Variants in FBL observed in about 807,000 individuals in gnomAD.
FBL encodes rRNA 2'-O-methyltransferase fibrillarin.
FBL carries 10 observed loss-of-function variants against 42.2 expected under a neutral mutation model. The observed-to-expected ratio is 0.24, with a 90% CI of 0.15 to 0.40. FBL has a LOEUF of 0.40. FBL is among the 10% of genes least tolerant of loss of function. The pLI is 1.00. For missense variants in FBL, 351 were observed against 439.2 expected, an observed-to-expected ratio of 0.80 and a Z score of 1.79; for synonymous variants, 165 against 165.4, an observed-to-expected ratio of 1.00 and a Z score of 0.02.
Position 39,840,261 on chromosome 19 carries a change from A to G in FBL, c.350T>C (p.Val117Ala). 6.2e-7 allele frequency: 1 copy of G among 1,613,846 alleles called. No homozygotes were observed. The highest frequency in any genetic ancestry group is 1.1e-5 in the South Asian group (1 of 91,050). ...AATCGAGACTCTCTTCTCTCCATAA[A>G]CTGATTCCCCAGGGACCAGGTTCTT... Reference protein sequence around the residue: ...VTKNLVPGESVYGEKRVSISE... With the variant: ...VTKNLVPGESAYGEKRVSISE... Residue 117 changes from valine to alanine, a missense_variant, in exon 4 of 9, where the codon GTT (valine) becomes GCT (alanine). Transcript: ENST00000221801. The surrounding 1 kb of genome is among the most constrained non-coding windows in gnomAD (Gnocchi z 4.5).
At chr19:39,845,629 A>C (rs73042740) in intron 1 of FBL, among the ~76,000 whole-genome samples, 1,855 of 152,308 alleles carry the variant, frequency 0.012, 19 homozygotes, top group Non-Finnish European at 0.02. Flanking sequence ...CCACCACCCC[A>C]GACTAATGCC....
At chr19:39,846,232 G>A (rs1969259400) in intron 1 of FBL, 59 bp downstream of exon 1, 2 of 1,607,154 alleles carry the variant, frequency 1.2e-6, no homozygotes, top group African/African-American at 1.3e-5. Flanking sequence ...ATTCTGGCCT[G>A]GCACCCGGAT....
rs774318356 is a variant in FBL, at chr19:39,836,583, A to G, written c.768T>C (p.Asn256=). The change falls in exon 7 of 9, where the codon AAT becomes AAC. Residue 256 remains asparagine, a synonymous_variant. Coordinates refer to ENST00000221801, the MANE Select transcript of FBL (RefSeq NM_001436.4). ...VALNAHTFLR[N]GGHFVISIKA... is the part of the protein sequence containing the mutation. ...TAATGGAAATCACAAAGTGTCCTCC[A>G]TTACGCAGGAAGGTGTGGGCATTCA... 1.4e-5 allele frequency: 22 copies of G among 1,613,722 alleles called. No homozygotes were observed. In the Middle Eastern group the frequency reaches 1.3e-3, roughly 96 times the overall value.
At chr19:39,845,841 G>C (rs1969253228) in intron 1 of FBL, among the ~76,000 whole-genome samples, 2 of 152,222 alleles carry the variant, frequency 1.3e-5, no homozygotes, top group African/African-American at 4.8e-5. Flanking sequence ...GGTGGTGGCA[G>C]CGACAGGGAA....
chr19:39,842,568 C>T (rs1174382224), intron 1 of FBL, among the ~76,000 whole-genome samples: 1 of 152,152 alleles, frequency 6.6e-6, no homozygotes, highest in African/African-American at 2.4e-5. Flanking sequence ...TAATCTTCTA[C>T]TCCCTCTACA....
intron 6 of FBL, among the ~76,000 whole-genome samples, chr19:39,837,141 A>C (rs1224432029): frequency 1.3e-5 from 2 of 152,226 alleles, no homozygotes; most frequent in Admixed American, 6.5e-5. Flanking sequence ...CAGAATGAAA[A>C]ATAATGTTTT....
Position 39,840,536 on chromosome 19 carries a change from A to G in FBL, c.182-21T>C, listed in dbSNP as rs201316980. 50 of 1,613,886 alleles carry G rather than the reference A, an allele frequency of 3.1e-5. No individual in the cohort carries two copies. In the African/African-American group the frequency reaches 4.8e-4, roughly 15 times the overall value. On this transcript the variant is annotated intron_variant, in intron 2 of 8. Coordinates refer to ENST00000221801, the MANE Select transcript of FBL (RefSeq NM_001436.4). The surrounding 1 kb of genome is among the most constrained non-coding windows in gnomAD (Gnocchi z 4.5). ...TCCACCTATAAAGGAGAGGTACAACAGGAGAGAAAGATCCTGAATCTCCGC... is the reference window on the plus strand; with the variant it reads ...TCCACCTATAAAGGAGAGGTACAACGGGAGAGAAAGATCCTGAATCTCCGC...
rs1313711539 is a variant in FBL at position 39,840,189 on chromosome 19, C to A, written c.378+44G>T. ...GCAGACACAGACTACTGGCTACACC[C>A]TCAGCTGCGACCCTGGTGGCTTGGA... is the stretch of plus-strand genomic sequence containing the variant. On this transcript the variant is annotated intron_variant, in intron 4 of 8. Coordinates refer to ENST00000221801, the MANE Select transcript of FBL (RefSeq NM_001436.4). The surrounding 1 kb of genome is among the most constrained non-coding windows in gnomAD (Gnocchi z 4.5). The A allele has an allele frequency of 1.4e-6, 2 of 1,403,962 alleles. No individual in the cohort carries two copies. The highest frequency in any genetic ancestry group is 1.2e-5 in the South Asian group (1 of 86,688). The allele number at this position is 1,403,962 out of a possible 1,614,324, so 87.0% of individuals were successfully genotyped here. A position where few individuals can be genotyped will look rare whatever the true frequency, so the allele number is the denominator to read the frequency against.
intron 5 of FBL, chr19:39,838,709 C>T: frequency 4.6e-6 from 1 of 219,376 alleles, no homozygotes; most frequent in Non-Finnish European, 9.0e-6. Flanking sequence ...CTGGTTCTTT[C>T]TAAAGAAACC....
chr19:39,837,476 T>C (rs1009204525), intron 6 of FBL, among the ~76,000 whole-genome samples: 18 of 152,104 alleles, frequency 1.2e-4, no homozygotes, highest in African/African-American at 4.3e-4. Context: ...ACCTAGGAGA[T>C]GGGGAGGAGA....
In FBL at chr19:39,836,622, G is replaced by A; in HGVS notation, c.729C>T (p.Thr243=). 2 of 1,614,092 alleles carry A rather than the reference G, an allele frequency of 1.2e-6. No individual in the cohort carries two copies. The highest frequency in any genetic ancestry group is 1.7e-6 in the Non-Finnish European group (2 of 1,179,992). Residue 243 remains threonine (T), a synonymous_variant, in exon 7 of 9, where the codon ACC becomes ACT. Transcript: ENST00000221801. ...IFADVAQPDQ[T]RIVALNAHTF... ...TGTGGGCATTCAGGGCCACAATCCG[G>A]GTCTGGTCTGGCTGGGCCACATCAG...
intron 1 of FBL, among the ~76,000 whole-genome samples, chr19:39,844,768 A>G (rs370631152): frequency 6.6e-6 from 1 of 152,196 alleles, no homozygotes; most frequent in Non-Finnish European, 1.5e-5. Context: ...TCTTTCACAC[A>G]TCGAAGCAAA....
At chr19:39,835,094 C>T (rs1158629737) in intron 7 of FBL, among the ~76,000 whole-genome samples, 1 of 152,130 alleles carries the variant, frequency 6.6e-6, no homozygotes, top group Non-Finnish European at 1.5e-5. Flanking sequence ...ATGATTATGC[C>T]CCCTTTCTAT....
At chr19:39,838,440 T>C (rs1969095111) in intron 5 of FBL, 1 of 153,372 alleles carries the variant, frequency 6.5e-6, no homozygotes. Context: ...TTTGTATTTT[T>C]AGTAGAGATG....
Position 39,840,839 on chromosome 19 carries a change from CCACCTTGTACCCAGCAA to C in FBL, c.11-69_11-53del. The C allele has an allele frequency of 1.4e-6, 2 of 1,452,582 alleles. No individual in the cohort carries two copies. Among genetic ancestry groups the C allele is most frequent in the African/African-American group, 2.9e-5 (2 of 70,030 alleles). 90.0% of individuals were successfully genotyped at this position (1,452,582 alleles called of 1,614,324 possible). A position where few individuals can be genotyped will look rare whatever the true frequency, so the allele number is the denominator to read the frequency against. On this transcript the variant is annotated intron_variant, in intron 1 of 8. Transcript: ENST00000221801. The surrounding 1 kb of genome is among the most constrained non-coding windows in gnomAD (Gnocchi z 4.5). ...GGGCAATGAAGCTTAAAAGGTTAAACCACCTTGTACCCAGCAATACCTCTCAGGTGAGAAACCTGAAA... is the reference window on the plus strand; with the variant it reads ...GGGCAATGAAGCTTAAAAGGTTAAACTACCTCTCAGGTGAGAAACCTGAAA...
In FBL at chr19:39,834,698, CTT is replaced by C; in HGVS notation, c.909_910del (p.Asp305ProfsTer30). 1 of 1,614,178 alleles carries C rather than the reference CTT, an allele frequency of 6.2e-7. No homozygotes were observed. The highest frequency in any genetic ancestry group is 8.5e-7 in the Non-Finnish European group (1 of 1,180,032). ...CACTCCCACGACCACGGCATGGTCT[CTT>C]TCATATGGCTCAAGGGTCAACTGCT... On this transcript the variant is annotated frameshift_variant, in exon 8 of 9. Transcript: ENST00000221801. LOFTEE classifies it high-confidence loss of function.
In FBL at chr19:39,839,178, C is replaced by T; in HGVS notation, c.406G>A (p.Ala136Thr). 2 of 1,612,718 alleles carry T rather than the reference C, an allele frequency of 1.2e-6. No individual in the cohort carries two copies. Among genetic ancestry groups the T allele is most frequent in the Non-Finnish European group, 1.7e-6 (2 of 1,179,240 alleles). Reference sequence around the variant, plus strand: ...AGCTTGGAGCGGAAGGGGTTCCAGGCTCGGTACTCAATTTTGTCATCTCCT... The same window carrying T: ...AGCTTGGAGCGGAAGGGGTTCCAGGTTCGGTACTCAATTTTGTCATCTCCT... ...SEGDDKIEYR[A>T]WNPFRSKLAA... Residue 136 changes from alanine to threonine, a missense_variant, in exon 5 of 9, where the codon GCC becomes ACC. Physicochemically the swap from Ala to Thr is moderately conservative, Grantham distance 58. Coordinates refer to ENST00000221801, the MANE Select transcript of FBL (RefSeq NM_001436.4).
chr19:39,842,130 G>C (rs1969174022), intron 1 of FBL, among the ~76,000 whole-genome samples: 1 of 149,838 alleles, frequency 6.7e-6, no homozygotes, highest in Admixed American at 6.7e-5. Context: ...CTGTCACCCA[G>C]GCTGGAGTGC....
At chr19:39,835,630 TA>T (rs1555785139) in intron 7 of FBL, among the ~76,000 whole-genome samples, 1 of 152,138 alleles carries the variant, frequency 6.6e-6, no homozygotes, top group Non-Finnish European at 1.5e-5. Context: ...ATAAAAGGCT[TA>T]ATGAAAGTTT....
Sources: gnomAD v4.1 joint callset for allele counts (sites outside exome capture counted in the v4.1 genomes callset) on GRCh38, gnomAD v4.1.1 for gene constraint, Gnocchi (gnomAD v3.1) non-coding constraint, MANE v1.5 for transcripts, NCBI Gene and HGNC (gene_info 2026-07-23, HGNC 2026-07-21) for gene names.